ANLN: variants seen among roughly 807,000 people sequenced by gnomAD.
ANLN encodes anillin.
Under a neutral mutation model 135.1 loss-of-function variants are expected in ANLN, and 59 were observed. That is an observed-to-expected ratio of 0.44 (90% CI 0.35 to 0.54). ANLN has a LOEUF of 0.54. ANLN is among the 20% of genes least tolerant of loss of function. The pLI is 0.00. For missense variants in ANLN, 1,182 were observed against 1,340.0 expected (o/e 0.88, Z 1.84); for synonymous variants, 406 against 456.4 (o/e 0.89, Z 1.41).
Position 36,389,925 on chromosome 7 carries a change from A to T in ANLN, c.-102A>T. On this transcript the variant is annotated 5_prime_UTR_variant, in exon 1 of 24. Coordinates refer to ENST00000265748, the MANE Select transcript of ANLN (RefSeq NM_018685.5). ...TTGTGGGAGAGTTCCCCCGCCTCAG[A>T]CTCCTGGTTTTTTCCAGGAGACACA... 6.2e-7 allele frequency: 1 copy of T among 1,604,208 alleles called. No individual in the cohort carries two copies. The highest frequency in any genetic ancestry group is 8.5e-7 in the Non-Finnish European group (1 of 1,172,300).
chr7:36,411,262 T>A, intron 7 of ANLN, 96 bp downstream of exon 7: 1 of 974,806 alleles, frequency 1.0e-6, no homozygotes, highest in South Asian at 2.0e-5. Flanking sequence ...TTACACATTT[T>A]TCTTTTCCAA....
intron 4 of ANLN, 139 bp from the exon 5 acceptor site, chr7:36,407,595 T>C: frequency 1.5e-6 from 1 of 662,138 alleles, no homozygotes; most frequent in Non-Finnish European, 2.5e-6. Flanking sequence ...ATTTGTTTGA[T>C]CTATTAGAGA....
At chr7:36,404,072 G>A (rs1004963685) in intron 3 of ANLN, among the ~76,000 whole-genome samples, 2 of 152,172 alleles carry the variant, frequency 1.3e-5, no homozygotes, top group Non-Finnish European at 2.9e-5. Context: ...CTGGGTTCAA[G>A]CTATTCCCCT....
At chr7:36,428,909 G>T (rs960227384) in intron 20 of ANLN, among the ~76,000 whole-genome samples, 10 of 151,052 alleles carry the variant, frequency 6.6e-5, no homozygotes, top group Non-Finnish European at 1.2e-4. Context: ...GTCCCAAGTA[G>T]CTGGGACTAC....
intron 1 of ANLN, among the ~76,000 whole-genome samples, chr7:36,391,748 T>G (rs77707464): frequency 0.014 from 2,066 of 152,290 alleles, 53 homozygotes; most frequent in African/African-American, 0.047. Flanking sequence ...ATTTTCTCAA[T>G]TCTCCCAAGG....
intron 18 of ANLN, 58 bp from the exon 19 acceptor site, chr7:36,425,957 G>A (rs1788060934): frequency 7.4e-7 from 1 of 1,347,812 alleles, no homozygotes; most frequent in Non-Finnish European, 1.0e-6. Context: ...TTAAATCTTT[G>A]TATTAAATAA....
At chr7:36,422,303 CT>C (rs1787910136) in intron 13 of ANLN, among the ~76,000 whole-genome samples, 3 of 152,104 alleles carry the variant, frequency 2.0e-5, no homozygotes, top group Admixed American at 2.0e-4. Flanking sequence ...CTCTCTCTCT[CT>C]CTCCCTTCCT....
rs992171323 is a variant in ANLN at position 36,396,405 on chromosome 7, T to A, written c.158T>A (p.Leu53His). 1 of 1,582,128 alleles carries A rather than the reference T, an allele frequency of 6.3e-7. No homozygotes were observed. Among genetic ancestry groups the A allele is most frequent in the Admixed American group, 1.7e-5 (1 of 57,506 alleles). The change falls in exon 2 of 24, where the codon CTC becomes CAC. Residue 53 changes from leucine (L) to histidine (H), a missense_variant. By Grantham distance (99) the Leu-to-His change is moderately conservative. Coordinates refer to ENST00000265748, the MANE Select transcript of ANLN (RefSeq NM_018685.5). Reference protein sequence around the residue: ...PLSEASNQQPLSGGEEKSCTK... With the variant: ...PLSEASNQQPHSGGEEKSCTK... ...TCAGAAGCAAGTAACCAGCAGCCCC[T>A]CTCTGGTGGTGAAGGTAAAAGACTT...
intron 15 of ANLN, 83 bp from the exon 16 acceptor site, chr7:36,424,462 T>A: frequency 1.8e-6 from 2 of 1,141,138 alleles, no homozygotes; most frequent in Non-Finnish European, 2.5e-6. Flanking sequence ...ACTTAGAGTC[T>A]TGTAAGAGTA....
At chr7:36,408,539 G>A (rs1438977529) in intron 5 of ANLN, among the ~76,000 whole-genome samples, 1 of 152,088 alleles carries the variant, frequency 6.6e-6, no homozygotes, top group Non-Finnish European at 1.5e-5. Context: ...AGTGTAACGA[G>A]GATATCCATC....
intron 7 of ANLN, among the ~76,000 whole-genome samples, chr7:36,412,328 T>TATATATATATATA (rs1554343031): frequency 3.2e-5 from 2 of 63,140 alleles, no homozygotes; most frequent in African/African-American, 1.1e-4. Flanking sequence ...TATATATATA[T>TATATATATATATA]TTTTTTTTTT....
chr7:36,399,000 TTTG>T, intron 2 of ANLN, 76 bp from the exon 3 acceptor site: 1 of 1,143,546 alleles, frequency 8.7e-7, no homozygotes, highest in Non-Finnish European at 1.3e-6. Flanking sequence ...GTTTTATTAA[TTTG>T]TTGAGTATCT....
Position 36,435,872 on chromosome 7 carries a change from CAAAAAAAAAAAAAAAAA to C in ANLN, c.2884-3318_2884-3302del, listed in dbSNP as rs57379889. On this transcript the variant is annotated intron_variant, in intron 20 of 23. Transcript: ENST00000265748. ...TGGGCGACAGAGCGAGACTCCGTCT[CAAAAAAAAAAAAAAAAA>C]AAAAAAAAAAAAAGATTTATCCATG... Among the ~76,000 whole-genome samples the C allele has an allele frequency of 1.7e-4, 9 of 52,232 alleles. 1 individual carries two copies. The highest frequency in any genetic ancestry group is 2.5e-4 in the Non-Finnish European group (8 of 31,632). 34.3% of individuals were successfully genotyped at this position (52,232 alleles called of 152,430 possible). A position where few individuals can be genotyped will look rare whatever the true frequency, so the allele number is the denominator to read the frequency against.
intron 20 of ANLN, among the ~76,000 whole-genome samples, chr7:36,429,476 C>G (rs1031890411): frequency 6.6e-6 from 1 of 152,200 alleles, no homozygotes; most frequent in African/African-American, 2.4e-5. Context: ...TCGCCTTGGT[C>G]TCACAAAGTG....
chr7:36,409,165 A>G (rs1787310462), intron 5 of ANLN, among the ~76,000 whole-genome samples: 1 of 152,224 alleles, frequency 6.6e-6, no homozygotes, highest in Non-Finnish European at 1.5e-5. Flanking sequence ...AGCTTAGATA[A>G]GAGGCATTCT....
intron 17 of ANLN, among the ~76,000 whole-genome samples, chr7:36,425,479 A>C (rs1788042957): frequency 1.3e-5 from 2 of 152,010 alleles, no homozygotes; most frequent in South Asian, 4.1e-4. Flanking sequence ...TATTTTTAGC[A>C]GAGAGGGGGT....
In ANLN at chr7:36,423,799, T is replaced by C; in HGVS notation, c.2477-18T>C. 6.2e-7 allele frequency: 1 copy of C among 1,602,184 alleles called. No individual in the cohort carries two copies. Among genetic ancestry groups the C allele is most frequent in the Non-Finnish European group, 8.5e-7 (1 of 1,175,240 alleles). ...GATTTTGCTTGTGCTTACTATGTAATATGATTACTTCTTACAGATGCAGCA... is the reference window on the plus strand; with the variant it reads ...GATTTTGCTTGTGCTTACTATGTAACATGATTACTTCTTACAGATGCAGCA... On this transcript the variant is annotated intron_variant, in intron 14 of 23. Coordinates refer to ENST00000265748, the MANE Select transcript of ANLN (RefSeq NM_018685.5).
At position 36,423,961 on chromosome 7, in the gene ANLN, T is replaced by C; in HGVS notation, c.2603+18T>C. 1 of 1,599,316 alleles carries C rather than the reference T, an allele frequency of 6.3e-7. No homozygotes were observed. The highest frequency in any genetic ancestry group is 8.5e-7 in the Non-Finnish European group (1 of 1,173,728). On this transcript the variant is annotated intron_variant, in intron 15 of 23. Coordinates refer to ENST00000265748, the MANE Select transcript of ANLN (RefSeq NM_018685.5). The stretch of plus-strand genomic sequence containing the variant: ...TTTACTCTGTAAGTAAATCAGGCTT[T>C]TGATGATTCGAATGCATTTTTCTTT...
At chr7:36,426,302 A>G (rs1788075345) in intron 19 of ANLN, among the ~76,000 whole-genome samples, 1 of 151,778 alleles carries the variant, frequency 6.6e-6, no homozygotes, top group East Asian at 1.9e-4. Flanking sequence ...CTTTACTTCA[A>G]CTTCTATTGT....
Sources: allele counts gnomAD v4.1 joint callset (sites outside exome capture counted in the v4.1 genomes callset), GRCh38; gene constraint gnomAD v4.1.1; transcripts MANE v1.5; gene names NCBI Gene and HGNC (gene_info 2026-07-23, HGNC 2026-07-21).